ITFG1: variants seen among roughly 807,000 people sequenced by gnomAD.
The protein encoded by ITFG1 is integrin alpha FG-GAP repeat containing 1.
Under a neutral mutation model 81.8 loss-of-function variants are expected in ITFG1, and 34 were observed. The ratio of observed to expected loss-of-function variants is 0.42; its 90% CI spans 0.32 to 0.55. The LOEUF (loss-of-function observed/expected upper bound fraction) is 0.55, where lower values mean the gene tolerates loss of function less well. Ranked by LOEUF, ITFG1 falls within the 20% of genes least tolerant of loss-of-function variation. The pLI is 0.17. For missense variants in ITFG1, 672 were observed against 755.4 expected (o/e 0.89, Z 1.29); for synonymous variants, 285 against 270.6 (o/e 1.05, Z -0.52).
intron 8 of ITFG1, 142 bp downstream of exon 8, chr16:47,365,646 G>A (rs894442469): frequency 5.4e-6 from 3 of 559,246 alleles, no homozygotes. Flanking sequence ...TACTATTATG[G>A]AATAGGCATC....
At chr16:47,403,058 T>C (rs1968681972) in intron 6 of ITFG1, among the ~76,000 whole-genome samples, 1 of 152,208 alleles carries the variant, frequency 6.6e-6, no homozygotes, top group African/African-American at 2.4e-5. Context: ...CAAAGTTCTG[T>C]CTGCAAAATT....
At chr16:47,337,607 T>C (rs1967724255) in intron 8 of ITFG1, among the ~76,000 whole-genome samples, 1 of 152,148 alleles carries the variant, frequency 6.6e-6, no homozygotes, top group African/African-American at 2.4e-5. Flanking sequence ...AATGCATGGC[T>C]TTTTAGATTT....
chr16:47,198,269 C>T (rs539002116), intron 14 of ITFG1, among the ~76,000 whole-genome samples: 64 of 152,226 alleles, frequency 4.2e-4, no homozygotes, highest in African/African-American at 1.2e-3. Context: ...CACTGTATAA[C>T]GACATTTCAG....
At chr16:47,253,721 T>C (rs1463415260) in intron 12 of ITFG1, among the ~76,000 whole-genome samples, 1 of 152,106 alleles carries the variant, frequency 6.6e-6, no homozygotes, top group Non-Finnish European at 1.5e-5. Context: ...CGTGCTCCTA[T>C]GAGAATCTAA....
intron 16 of ITFG1, among the ~76,000 whole-genome samples, chr16:47,160,864 T>G (rs913407481): frequency 2.6e-5 from 4 of 152,180 alleles, no homozygotes; most frequent in Non-Finnish European, 5.9e-5. Context: ...AGTCAGGTCA[T>G]GAAGTGGCAT....
At chr16:47,389,056 GA>G (rs1163100927) in intron 6 of ITFG1, among the ~76,000 whole-genome samples, 3 of 152,108 alleles carry the variant, frequency 2.0e-5, no homozygotes, top group African/African-American at 7.2e-5. Flanking sequence ...TTAAAAGTAG[GA>G]AAAGCCCTTT....
chr16:47,295,581 C>T (rs1015395774), intron 10 of ITFG1, among the ~76,000 whole-genome samples: 1 of 152,096 alleles, frequency 6.6e-6, no homozygotes, highest in African/African-American at 2.4e-5. Context: ...CCTAGGTTTT[C>T]TAGTTTGTGA....
chr16:47,339,383 A>G (rs1417430495), intron 8 of ITFG1, among the ~76,000 whole-genome samples: 1 of 152,184 alleles, frequency 6.6e-6, no homozygotes, highest in Non-Finnish European at 1.5e-5. Flanking sequence ...GTTCTCTATA[A>G]TGACTGTAAT....
chr16:47,386,193 TAC>T (rs1245186291), intron 6 of ITFG1, among the ~76,000 whole-genome samples: 4 of 152,170 alleles, frequency 2.6e-5, no homozygotes, highest in African/African-American at 4.8e-5. Context: ...AAAAAAAATT[TAC>T]AGTCTCTGGA....
At chr16:47,251,840 G>A (rs1488735274) in intron 12 of ITFG1, among the ~76,000 whole-genome samples, 2 of 152,196 alleles carry the variant, frequency 1.3e-5, no homozygotes, top group African/African-American at 2.4e-5. Flanking sequence ...AAAGTTATGT[G>A]AATGTAGTTT....
intron 8 of ITFG1, among the ~76,000 whole-genome samples, chr16:47,329,658 T>G (rs931265040): frequency 1.3e-5 from 2 of 152,184 alleles, no homozygotes; most frequent in African/African-American, 2.4e-5. Context: ...GTTATGAGTT[T>G]TATACATGTA....
At chr16:47,415,785 A>G (rs939617937) in intron 6 of ITFG1, among the ~76,000 whole-genome samples, 4 of 152,184 alleles carry the variant, frequency 2.6e-5, no homozygotes, top group Non-Finnish European at 4.4e-5. Flanking sequence ...TCAGGGCAAG[A>G]TAAGTGTTTC....
At chr16:47,376,926 G>C (rs1022901712) in intron 6 of ITFG1, among the ~76,000 whole-genome samples, 6 of 117,064 alleles carry the variant, frequency 5.1e-5, no homozygotes, top group African/African-American at 2.0e-4. Context: ...CCAAGATTCT[G>C]ATCTCCAGCC....
chr16:47,246,253 A>C (rs1455267975), intron 12 of ITFG1, among the ~76,000 whole-genome samples: 1 of 152,234 alleles, frequency 6.6e-6, no homozygotes, highest in Non-Finnish European at 1.5e-5. Flanking sequence ...CATTAGGATC[A>C]CATGATAAGA....
chr16:47,355,113 C>A (rs1310918848), intron 8 of ITFG1, among the ~76,000 whole-genome samples: 1 of 151,954 alleles, frequency 6.6e-6, no homozygotes, highest in Non-Finnish European at 1.5e-5. Flanking sequence ...CAGCACTATT[C>A]ACAATAGCCA....
chr16:47,442,331 T>A (rs1969263271), intron 5 of ITFG1, among the ~76,000 whole-genome samples: 1 of 152,168 alleles, frequency 6.6e-6, no homozygotes, highest in Non-Finnish European at 1.5e-5. Flanking sequence ...AAAAGACTAC[T>A]TTAAAGTTCA....
At chr16:47,452,693 A>T in intron 4 of ITFG1, 40 bp downstream of exon 4, 1 of 1,348,722 alleles carries the variant, frequency 7.4e-7, no homozygotes, top group Non-Finnish European at 1.0e-6. Context: ...TTTTATGTTT[A>T]AGTTTAAAAT....
chr16:47,267,483 C>A (rs188046885), intron 10 of ITFG1, among the ~76,000 whole-genome samples: 68 of 152,242 alleles, frequency 4.5e-4, no homozygotes, highest in Non-Finnish European at 7.6e-4. Flanking sequence ...TCCAATATGT[C>A]TCTTTTAATA....
At chr16:47,342,275 G>A (rs370601256) in intron 8 of ITFG1, among the ~76,000 whole-genome samples, 2 of 152,110 alleles carry the variant, frequency 1.3e-5, no homozygotes, top group South Asian at 2.1e-4. Context: ...AGACCCACAT[G>A]ATCATCTCAA....
Sources: gnomAD v4.1 joint callset for allele counts (sites outside exome capture counted in the v4.1 genomes callset) on GRCh38, gnomAD v4.1.1 for gene constraint, MANE v1.5 for transcripts, NCBI Gene and HGNC (gene_info 2026-07-23, HGNC 2026-07-21) for gene names.